Variants in CPVL observed in about 807,000 individuals in gnomAD.
CPVL encodes probable serine carboxypeptidase CPVL.
Under a neutral mutation model 63.7 loss-of-function variants are expected in CPVL, and 51 were observed. The ratio of observed to expected loss-of-function variants is 0.80; its 90% confidence interval spans 0.64 to 1.01. CPVL has a LOEUF of 1.01. Among genes scored for constraint, CPVL ranks in the 50% least tolerant of loss-of-function variants. CPVL has a pLI of 0.00. For missense variants in CPVL, 530 were observed against 573.1 expected (o/e 0.92, Z 0.77); for synonymous variants, 195 against 206.0 (o/e 0.95, Z 0.46).
At chr7:29,043,569 A>G (rs1409979950) in intron 11 of CPVL, among the ~76,000 whole-genome samples, 2 of 152,198 alleles carry the variant, frequency 1.3e-5, no homozygotes. Context: ...TGAAAAGAGT[A>G]GAGGGGAAAG....
intron 10 of CPVL, 55 bp downstream of exon 10, chr7:29,065,968 C>T (rs1428278013): frequency 5.0e-5 from 50 of 1,009,426 alleles, no homozygotes; most frequent in Admixed American, 4.6e-4. Flanking sequence ...AAAGGAAGTT[C>T]GGTTTTGCCA....
At chr7:29,129,178 T>G (rs1234925697) in intron 1 of CPVL, among the ~76,000 whole-genome samples, 1 of 152,114 alleles carries the variant, frequency 6.6e-6, no homozygotes, top group South Asian at 2.1e-4. Flanking sequence ...CCAAGAGATA[T>G]GACAAAGGCT....
Position 29,064,124 on chromosome 7 carries a change from G to A in CPVL, c.1074C>T (p.Tyr358=). 6.2e-7 allele frequency: 1 copy of A among 1,613,212 alleles called. No individual in the cohort carries two copies. The highest frequency in any genetic ancestry group is 8.5e-7 in the Non-Finnish European group (1 of 1,179,270). Residue 358 remains tyrosine (Y), a synonymous_variant, in exon 11 of 13, where the codon TAC becomes TAT. Transcript: ENST00000265394. ...CTGACTGTACTGTATCTTCTCGCAA[G>A]TACTTTTCAACTATAGTTCCATCAT... ...TFNDGTIVEK[Y]LREDTVQSVK...
chr7:29,094,509 C>T (rs1008241632), intron 5 of CPVL, among the ~76,000 whole-genome samples: 2 of 152,084 alleles, frequency 1.3e-5, no homozygotes, highest in African/African-American at 4.8e-5. Flanking sequence ...ATTCCTCCTC[C>T]TGGGTTACCT....
chr7:29,128,739 A>G (rs996758145), intron 1 of CPVL, among the ~76,000 whole-genome samples: 12 of 152,092 alleles, frequency 7.9e-5, no homozygotes, highest in African/African-American at 2.4e-4. Flanking sequence ...AATTAAAAAA[A>G]AGAAAAAAAC....
chr7:29,001,575 G>A (rs1452197289), intron 12 of CPVL, among the ~76,000 whole-genome samples: 1 of 152,156 alleles, frequency 6.6e-6, no homozygotes. Flanking sequence ...AACAAAGAAT[G>A]CAATAAGTCA....
At chr7:29,061,666 G>A (rs1306858887) in intron 11 of CPVL, among the ~76,000 whole-genome samples, 1 of 151,994 alleles carries the variant, frequency 6.6e-6, no homozygotes, top group African/African-American at 2.4e-5. Flanking sequence ...GTACAGTGAG[G>A]CCAGGTGCGG....
chr7:29,118,413 G>A (rs920370975), intron 2 of CPVL, among the ~76,000 whole-genome samples: 3 of 152,180 alleles, frequency 2.0e-5, no homozygotes, highest in African/African-American at 7.2e-5. Flanking sequence ...AGGGTTTAAC[G>A]ACACTTTGCC....
intron 10 of CPVL, among the ~76,000 whole-genome samples, chr7:29,065,294 T>C (rs1338329274): frequency 6.6e-6 from 1 of 152,212 alleles, no homozygotes; most frequent in Admixed American, 6.5e-5. Context: ...CTTAGTAGAA[T>C]CTAAATCCAA....
At chr7:29,144,125 T>C (rs1792194788) in intron 1 of CPVL, among the ~76,000 whole-genome samples, 1 of 152,220 alleles carries the variant, frequency 6.6e-6, no homozygotes, top group South Asian at 2.1e-4. Flanking sequence ...GTTCTAGAGG[T>C]ATCTTTCTAA....
upstream of CPVL, chr7:29,146,728 C>T (rs1404327050): frequency 3.2e-6 from 5 of 1,550,524 alleles, no homozygotes; most frequent in Middle Eastern, 1.7e-4. Flanking sequence ...TGAAGAGCAT[C>T]GGCGGGGTGC....
intron 11 of CPVL, among the ~76,000 whole-genome samples, chr7:29,039,833 T>C (rs769716963): frequency 4.9e-4 from 75 of 152,228 alleles, no homozygotes; most frequent in Non-Finnish European, 2.4e-4. Flanking sequence ...GATGGATTTT[T>C]GTTGTTGCAT....
intron 1 of CPVL, among the ~76,000 whole-genome samples, chr7:29,188,076 G>A (rs945337691): frequency 2.6e-5 from 4 of 152,176 alleles, no homozygotes; most frequent in African/African-American, 7.2e-5. Context: ...GGTAGGGAGA[G>A]ATGAAAATTA....
chr7:29,136,183 T>C (rs537357922), intron 1 of CPVL, among the ~76,000 whole-genome samples: 1 of 152,362 alleles, frequency 6.6e-6, no homozygotes, highest in African/African-American at 2.4e-5. Context: ...TATAACTGAC[T>C]ACCGCATGAG....
intron 3 of CPVL, among the ~76,000 whole-genome samples, chr7:29,105,084 A>G (rs1787591699): frequency 6.6e-6 from 1 of 152,212 alleles, no homozygotes; most frequent in Admixed American, 6.5e-5. Context: ...TGTGATCTCC[A>G]AATCTTTGTT....
chr7:29,079,681 C>T (rs560871520), intron 7 of CPVL, among the ~76,000 whole-genome samples: 27 of 152,298 alleles, frequency 1.8e-4, no homozygotes, highest in African/African-American at 6.3e-4. Context: ...ATCCCAAGCC[C>T]AGGCTAACAG....
chr7:29,089,892 C>T (rs952173098), intron 6 of CPVL, among the ~76,000 whole-genome samples: 6 of 149,530 alleles, frequency 4.0e-5, no homozygotes, highest in East Asian at 3.9e-4. Flanking sequence ...GATGGAGTTT[C>T]GCTCTTGTTG....
At chr7:28,994,679 A>G (rs1198001333), downstream of CPVL, among the ~76,000 whole-genome samples, 1 of 152,236 alleles carries the variant, frequency 6.6e-6, no homozygotes, top group African/African-American at 2.4e-5. Context: ...GGACATGGGT[A>G]CAATGAACAA....
intron 12 of CPVL, among the ~76,000 whole-genome samples, chr7:28,999,722 G>A: frequency 6.6e-6 from 1 of 152,198 alleles, no homozygotes; most frequent in Non-Finnish European, 1.5e-5. Flanking sequence ...TAATGGCATT[G>A]TAAATTGTGT....
Sources: allele counts gnomAD v4.1 joint callset (sites outside exome capture counted in the v4.1 genomes callset), GRCh38; gene constraint gnomAD v4.1.1; transcripts MANE v1.5; gene names NCBI Gene and HGNC (gene_info 2026-07-23, HGNC 2026-07-21).